LINGO1: variants seen among roughly 807,000 people sequenced by gnomAD.
LINGO1 encodes the protein leucine-rich repeat and immunoglobulin-like domain-containing nogo receptor-interacting protein 1.
Under a neutral mutation model 37.3 loss-of-function variants are expected in LINGO1, and 11 were observed. The observed-to-expected ratio is 0.29, with a 90% CI of 0.19 to 0.49. The LOEUF is 0.49. Among genes scored for constraint, LINGO1 ranks in the 20% least tolerant of loss-of-function variants. The pLI, the probability that LINGO1 is intolerant of heterozygous loss-of-function variation, is 0.99. For synonymous variants in LINGO1, 387 were observed against 403.0 expected, an observed-to-expected ratio of 0.96 and a Z score of 0.48; for missense variants, 585 against 878.2, an observed-to-expected ratio of 0.67 and a Z score of 4.22.
At chr15:77,691,823 G>C (rs892845704) in intron 1 of LINGO1, among the ~76,000 whole-genome samples, 1 of 152,008 alleles carries the variant, frequency 6.6e-6, no homozygotes, top group Admixed American at 6.5e-5. Flanking sequence ...TAATGTTTTC[G>C]TGACAATAAC....
chr15:77,648,082 G>A (rs2074676998), intron 3 of LINGO1: 1 of 373,128 alleles, frequency 2.7e-6, no homozygotes, highest in East Asian at 7.4e-5. Context: ...AAGTGGGGAG[G>A]ACTTTGGTAT....
At chr15:77,771,268 C>T (rs538557461) in intron 1 of LINGO1, among the ~76,000 whole-genome samples, 2 of 152,338 alleles carry the variant, frequency 1.3e-5, no homozygotes, top group South Asian at 2.1e-4. Flanking sequence ...AATATCATTA[C>T]AGCATCACAT....
At chr15:77,617,641 C>T (rs2073774538) in intron 1 of LINGO1, among the ~76,000 whole-genome samples, 1 of 152,252 alleles carries the variant, frequency 6.6e-6, no homozygotes. Context: ...GGCCATCCAT[C>T]CTTGTCATCC....
At chr15:77,670,794 T>G (rs1441496256) in intron 3 of LINGO1, among the ~76,000 whole-genome samples, 1 of 152,218 alleles carries the variant, frequency 6.6e-6, no homozygotes, top group Non-Finnish European at 1.5e-5. Flanking sequence ...GCAGGGAAGA[T>G]GGGCACAAGA....
chr15:77,647,300 G>C (rs1488434545), intron 3 of LINGO1, among the ~76,000 whole-genome samples: 1 of 151,970 alleles, frequency 6.6e-6, no homozygotes, highest in Non-Finnish European at 1.5e-5. Flanking sequence ...GAAAGGGTCA[G>C]TCTGCCAGAG....
intron 1 of LINGO1, among the ~76,000 whole-genome samples, chr15:77,779,572 A>G (rs2076694877): frequency 6.6e-6 from 1 of 151,950 alleles, no homozygotes; most frequent in Non-Finnish European, 1.5e-5. Context: ...TGCTACCTAG[A>G]TCCCTCACAT....
At position 77,818,513 on chromosome 15, in the gene LINGO1, G is replaced by A. The variant is rs1050135712; in HGVS notation, c.-458+1745C>T. On this transcript the variant is annotated intron_variant, in intron 1 of 5. Transcript: ENST00000562933. Reference sequence around the variant, plus strand: ...GGGGCACCAGGCCGGCAGACCTGGAGACGCCCCCGGCCTCTTGGGAGCTCC... The same window carrying A: ...GGGGCACCAGGCCGGCAGACCTGGAAACGCCCCCGGCCTCTTGGGAGCTCC... Among the ~76,000 whole-genome samples, 39 of 152,240 alleles carry A rather than the reference G, an allele frequency of 2.6e-4. 1 individual carries two copies. The highest frequency in any genetic ancestry group is 4.4e-4 in the Non-Finnish European group (30 of 68,044).
At chr15:77,619,636 G>C (rs2073854921) in intron 1 of LINGO1, among the ~76,000 whole-genome samples, 1 of 151,894 alleles carries the variant, frequency 6.6e-6, no homozygotes, top group Non-Finnish European at 1.5e-5. Flanking sequence ...ACAGTGAACT[G>C]TGATTGTGCC....
intron 1 of LINGO1, among the ~76,000 whole-genome samples, chr15:77,769,208 A>G (rs2076559655): frequency 6.6e-6 from 1 of 152,204 alleles, no homozygotes; most frequent in Non-Finnish European, 1.5e-5. Flanking sequence ...TTGGCTGCCT[A>G]AAGGCAGCAA....
intron 2 of LINGO1, among the ~76,000 whole-genome samples, chr15:77,731,471 A>G (rs1239220914): frequency 1.3e-5 from 2 of 152,108 alleles, no homozygotes; most frequent in African/African-American, 4.8e-5. Context: ...AGGGGATTCA[A>G]TCCCAGCTCT....
intron 3 of LINGO1, among the ~76,000 whole-genome samples, chr15:77,652,764 T>C (rs2074789735): frequency 6.6e-6 from 1 of 151,942 alleles, no homozygotes; most frequent in Non-Finnish European, 1.5e-5. Flanking sequence ...GCCAGCACAG[T>C]GCGGGAGGAG....
chr15:77,684,192 A>C (rs1031629073), intron 2 of LINGO1, among the ~76,000 whole-genome samples: 5 of 152,188 alleles, frequency 3.3e-5, no homozygotes, highest in African/African-American at 7.2e-5. Context: ...AACATGTAAC[A>C]GTGGTGACAG....
chr15:77,695,847 C>T (rs2141261619), intron 1 of LINGO1: 1 of 152,076 alleles, frequency 6.6e-6, no homozygotes, highest in South Asian at 2.1e-4. Context: ...GTTTAAGCAA[C>T]AGCCTTTCCA....
intron 1 of LINGO1, among the ~76,000 whole-genome samples, chr15:77,808,558 C>T (rs565178467): frequency 1.4e-4 from 22 of 152,284 alleles, no homozygotes; most frequent in African/African-American, 5.3e-4. Flanking sequence ...AGAGCAGACA[C>T]CTCTTCCTGA....
intron 3 of LINGO1, among the ~76,000 whole-genome samples, chr15:77,673,447 T>TCCC (rs61196478): frequency 0.56 from 84,987 of 151,826 alleles, 24,170 homozygotes; most frequent in African/African-American, 0.65. Flanking sequence ...ACCTGTGACC[T>TCCC]CGTTACCGAG....
intron 3 of LINGO1, chr15:77,667,911 G>C (rs767591062): frequency 6.6e-6 from 1 of 152,456 alleles, no homozygotes; most frequent in Non-Finnish European, 1.5e-5. Context: ...CCTCTGGGCA[G>C]AGTTCTCTCC....
At position 77,614,788 on chromosome 15, in the gene LINGO1, G is replaced by A. The variant is rs1300040509; in HGVS notation, c.1119C>T (p.Cys373=). Residue 373 remains cysteine, a synonymous_variant, in exon 2 of 2, where the codon TGC becomes TGT. Coordinates refer to ENST00000355300, the MANE Select transcript of LINGO1 (RefSeq NM_032808.7). ...GGAACACCCACAGGAGCCGACAGTC[G>A]CAGGCCAGCGGGTTGGAGTCCAGGA... ...TLILDSNPLA[C]DCRLLWVFRR... 18 of 1,609,616 alleles carry A rather than the reference G, an allele frequency of 1.1e-5. No individual in the cohort carries two copies. Among genetic ancestry groups the A allele is most frequent in the Middle Eastern group, 1.7e-4 (1 of 6,058 alleles).
chr15:77,651,674 TCA>T (rs2074760676), intron 3 of LINGO1: 1 of 152,182 alleles, frequency 6.6e-6, no homozygotes, highest in African/African-American at 2.4e-5. Flanking sequence ...GTCCTTGAAA[TCA>T]CACTTTCCAA....
chr15:77,620,067 G>A (rs1470436785), intron 1 of LINGO1, among the ~76,000 whole-genome samples: 4 of 151,806 alleles, frequency 2.6e-5, no homozygotes, highest in African/African-American at 9.7e-5. Context: ...TCACGTCTGC[G>A]GGGTCACCCA....
Sources: gnomAD v4.1 joint callset for allele counts (sites outside exome capture counted in the v4.1 genomes callset) on GRCh38, gnomAD v4.1.1 for gene constraint, MANE v1.5 for transcripts, NCBI Gene and HGNC (gene_info 2026-07-23, HGNC 2026-07-21) for gene names.